The following NEDD4 variants were observed in gnomAD, a reference collection of about 807,000 sequenced individuals.
The protein encoded by NEDD4 is E3 ubiquitin-protein ligase NEDD4.
In NEDD4, 99 loss-of-function variants were observed where a neutral mutation model predicts 144.9. The ratio of observed to expected loss-of-function variants is 0.68; its 90% CI spans 0.58 to 0.81. The LOEUF is 0.81. Among genes scored for constraint, NEDD4 ranks in the 30% least tolerant of loss-of-function variants. The probability of loss-of-function intolerance (pLI) is 0.00; values close to 1 mark genes in which losing one functional copy is unlikely to be tolerated. For missense variants in NEDD4, 985 were observed against 1,065.9 expected (o/e 0.92, Z 1.06); for synonymous variants, 318 against 350.6 (o/e 0.91, Z 1.04).
intron 1 of NEDD4, among the ~76,000 whole-genome samples, chr15:55,968,873 G>A (rs1269096916): frequency 6.6e-6 from 1 of 152,178 alleles, no homozygotes; most frequent in Non-Finnish European, 1.5e-5. Context: ...AGGAGGCGGA[G>A]CAAGATGGCT....
intron 2 of NEDD4, among the ~76,000 whole-genome samples, chr15:55,955,625 T>A (rs1474024676): frequency 6.6e-6 from 1 of 152,128 alleles, no homozygotes; most frequent in Non-Finnish European, 1.5e-5. Flanking sequence ...TAATCCATAT[T>A]GTCACATGAA....
chr15:55,916,918 CAAAAG>C (rs2036469788), intron 5 of NEDD4: 2 of 1,503,234 alleles, frequency 1.3e-6, no homozygotes, highest in African/African-American at 2.8e-5. Context: ...TGCACTGCAT[CAAAAG>C]AAAAAATCAT....
At chr15:55,952,592 G>C (rs1595871720) in intron 2 of NEDD4, 1 of 151,882 alleles carries the variant, frequency 6.6e-6, no homozygotes, top group South Asian at 2.1e-4. Flanking sequence ...CTCTTAATTG[G>C]CCAAACTCGA....
intron 5 of NEDD4, among the ~76,000 whole-genome samples, chr15:55,881,351 G>T (rs1172368545): frequency 1.3e-5 from 2 of 151,966 alleles, no homozygotes; most frequent in Admixed American, 1.3e-4. Context: ...ATGTTGGCCA[G>T]GCTGGTCTTG....
chr15:55,865,210 A>AC (rs1357116913), intron 8 of NEDD4, among the ~76,000 whole-genome samples: 2 of 151,490 alleles, frequency 1.3e-5, no homozygotes, highest in Non-Finnish European at 2.9e-5. Flanking sequence ...AAAAAAAAAA[A>AC]AAAAAAAACT....
At chr15:55,839,383 G>A (rs1015388694) in intron 21 of NEDD4, among the ~76,000 whole-genome samples, 4 of 152,008 alleles carry the variant, frequency 2.6e-5, no homozygotes, top group South Asian at 2.1e-4. Context: ...TACCCAGCCC[G>A]AGTTAAAGAA....
At chr15:55,931,640 G>T (rs1426263939) in intron 4 of NEDD4, among the ~76,000 whole-genome samples, 1 of 152,084 alleles carries the variant, frequency 6.6e-6, no homozygotes, top group African/African-American at 2.4e-5. Context: ...AAAGAACAAA[G>T]GTGTTGGTAA....
intron 2 of NEDD4, among the ~76,000 whole-genome samples, chr15:55,954,614 T>A (rs1344188810): frequency 1.3e-5 from 2 of 152,024 alleles, no homozygotes; most frequent in African/African-American, 4.8e-5. Context: ...AACCTCCGCC[T>A]CCCAGGTTCA....
intron 5 of NEDD4, among the ~76,000 whole-genome samples, chr15:55,903,620 C>A (rs1230889350): frequency 6.6e-6 from 1 of 150,478 alleles, no homozygotes; most frequent in African/African-American, 2.5e-5. Context: ...GTCAGGAGAT[C>A]GAGACCATCC....
intron 4 of NEDD4, among the ~76,000 whole-genome samples, chr15:55,938,753 G>A (rs751461020): frequency 2.9e-4 from 44 of 151,520 alleles, no homozygotes; most frequent in Non-Finnish European, 5.3e-4. Flanking sequence ...CATACAAAAG[G>A]AACTCCCATA....
Position 55,850,842 on chromosome 15 carries a change from C to G in NEDD4, c.1147-100G>C, listed in dbSNP as rs2033956659. The G allele has an allele frequency of 1.9e-5, 19 of 1,003,286 alleles. No homozygotes were observed. The South Asian group carries it at 3.3e-4, about 17-fold the overall frequency. 62.1% of individuals were successfully genotyped at this position (1,003,286 alleles called of 1,614,324 possible). A position where few individuals can be genotyped will look rare whatever the true frequency, so the allele number is the denominator to read the frequency against. On this transcript the variant is annotated intron_variant, in intron 13 of 28. Transcript: ENST00000435532. ...TTAACCTGCAAATAGAATACACACC[C>G]TCCATTAAAGAGACTCTAAATATTT...
chr15:55,829,872 A>G lies in NEDD4; in HGVS notation c.*25T>C. ...TTGGTTATAAAACTATGGCAGTAAA[A>G]ACACTACAGATTGTTATTTGTAATC... On this transcript the variant is annotated 3_prime_UTR_variant, in exon 29 of 29. Transcript: ENST00000435532. The G allele has an allele frequency of 1.3e-6, 2 of 1,574,140 alleles. No individual in the cohort carries two copies. The highest frequency in any genetic ancestry group is 1.7e-6 in the Non-Finnish European group (2 of 1,153,806).
chr15:55,844,308 C>T (rs889106884), intron 18 of NEDD4, among the ~76,000 whole-genome samples: 10 of 151,996 alleles, frequency 6.6e-5, no homozygotes, highest in Admixed American at 5.2e-4. Flanking sequence ...GGGAGCCACA[C>T]GGTCAGATTG....
intron 5 of NEDD4, chr15:55,916,455 G>C: frequency 1.2e-6 from 2 of 1,614,016 alleles, no homozygotes; most frequent in Non-Finnish European, 1.7e-6. Flanking sequence ...ATCGACCACA[G>C]CACTACTGTA....
intron 5 of NEDD4, among the ~76,000 whole-genome samples, chr15:55,880,940 C>T (rs1309059123): frequency 1.3e-5 from 2 of 152,048 alleles, no homozygotes. Flanking sequence ...CCCCTGCTCC[C>T]CTTTCCCTGG....
chr15:55,892,499 T>C (rs2035603401), intron 5 of NEDD4, among the ~76,000 whole-genome samples: 1 of 151,970 alleles, frequency 6.6e-6, no homozygotes, highest in Admixed American at 6.6e-5. Context: ...ATTTTATACC[T>C]GAATATTAGA....
At chr15:55,959,366 C>A (rs911482945) in intron 2 of NEDD4, among the ~76,000 whole-genome samples, 4 of 152,148 alleles carry the variant, frequency 2.6e-5, no homozygotes, top group Admixed American at 1.3e-4. Context: ...AGAACATCCT[C>A]TATATGATTT....
intron 4 of NEDD4, among the ~76,000 whole-genome samples, chr15:55,946,030 G>A (rs2037106106): frequency 6.6e-6 from 1 of 152,168 alleles, no homozygotes; most frequent in African/African-American, 2.4e-5. Context: ...GGAACAACCA[G>A]TACCAGCCAC....
chr15:55,841,971 A>C lies in NEDD4; in HGVS notation c.1801T>G (p.Phe601Val). The stretch of plus-strand genomic sequence containing the variant: ...TCAAACAACCCATAATAAGGGTTAA[A>C]CATTTCCTTTGAGATCAGGAAGAAC... ...EWFFLISKEM[F>V]NPYYGLFEYS... is the part of the protein sequence containing the mutation. Residue 601 changes from phenylalanine to valine, a missense_variant, in exon 19 of 29, where the codon TTT (phenylalanine) becomes GTT (valine). Transcript: ENST00000435532. 3 of 1,614,152 alleles carry C rather than the reference A, an allele frequency of 1.9e-6. No homozygotes were observed. Among genetic ancestry groups the C allele is most frequent in the Non-Finnish European group, 2.5e-6 (3 of 1,179,988 alleles).
Sources: gnomAD v4.1 joint callset for allele counts (sites outside exome capture counted in the v4.1 genomes callset) on GRCh38, gnomAD v4.1.1 for gene constraint, MANE v1.5 for transcripts, NCBI Gene and HGNC (gene_info 2026-07-23, HGNC 2026-07-21) for gene names.